Variants in CPQ observed in about 807,000 individuals in gnomAD.
The protein encoded by CPQ is Ser-Met dipeptidase.
In CPQ, 37 loss-of-function variants were observed where a neutral mutation model predicts 45.7. The ratio of observed to expected loss-of-function variants is 0.81; its 90% CI spans 0.62 to 1.07. The LOEUF is 1.07. Ranked by LOEUF, CPQ falls within the 50% of genes least tolerant of loss-of-function variation. The pLI is 0.00. For missense variants in CPQ, 537 were observed against 572.9 expected, an observed-to-expected ratio of 0.94 and a Z score of 0.64; for synonymous variants, 186 against 205.8, an observed-to-expected ratio of 0.90 and a Z score of 0.82.
At chr8:96,903,332 G>A (rs1812536616) in intron 4 of CPQ, among the ~76,000 whole-genome samples, 1 of 152,226 alleles carries the variant, frequency 6.6e-6, no homozygotes, top group South Asian at 2.1e-4. Context: ...GCACTTCACT[G>A]TTCAGAGACA....
At chr8:96,915,747 C>T (rs1257860639) in intron 4 of CPQ, among the ~76,000 whole-genome samples, 4 of 152,112 alleles carry the variant, frequency 2.6e-5, no homozygotes, top group Admixed American at 2.0e-4. Context: ...CTGCTTGCCT[C>T]AACCTTCCCT....
chr8:97,043,179 G>T (rs559881010), intron 6 of CPQ, among the ~76,000 whole-genome samples: 39 of 152,272 alleles, frequency 2.6e-4, no homozygotes, highest in African/African-American at 8.9e-4. Flanking sequence ...CCTGTATTGG[G>T]TGCATATATA....
At chr8:97,034,606 A>T (rs1489858304) in intron 6 of CPQ, among the ~76,000 whole-genome samples, 1 of 152,204 alleles carries the variant, frequency 6.6e-6, no homozygotes, top group African/African-American at 2.4e-5. Flanking sequence ...ACACAGCAAA[A>T]TAAATTTGGA....
At chr8:97,044,391 T>A (rs1810194529) in intron 6 of CPQ, among the ~76,000 whole-genome samples, 1 of 152,168 alleles carries the variant, frequency 6.6e-6, no homozygotes, top group Admixed American at 6.5e-5. Context: ...TCGTCTAAAT[T>A]TTTTTCAAAG....
rs149629944 is a variant in CPQ at position 96,721,247 on chromosome 8, G to A, written c.-34-63617G>A. 2.3e-3 allele frequency among the ~76,000 whole-genome samples: 350 copies of A among 151,916 alleles called. 3 individuals are homozygous for A. The Middle Eastern group carries it at 0.034, about 15-fold the overall frequency. ...GCCTTCTTATCTCAGTAAGACTGCT[G>A]TCCTCTGCTTGGACTCTAGCTCACT... On this transcript the variant is annotated intron_variant, in intron 1 of 7. Transcript: ENST00000220763.
At chr8:96,863,259 G>A (rs185117207) in intron 3 of CPQ, among the ~76,000 whole-genome samples, 58 of 152,108 alleles carry the variant, frequency 3.8e-4, no homozygotes, top group Admixed American at 8.5e-4. Flanking sequence ...TTCAATCCAG[G>A]TGGAGATGTC....
At chr8:96,765,646 A>G (rs1810458447) in intron 1 of CPQ, among the ~76,000 whole-genome samples, 1 of 152,210 alleles carries the variant, frequency 6.6e-6, no homozygotes, top group Non-Finnish European at 1.5e-5. Flanking sequence ...ACATAGTAGT[A>G]TTATAATAGC....
At chr8:96,864,161 A>C (rs1811965914) in intron 3 of CPQ, among the ~76,000 whole-genome samples, 1 of 152,010 alleles carries the variant, frequency 6.6e-6, no homozygotes, top group Non-Finnish European at 1.5e-5. Context: ...AGAGGTGGAC[A>C]CTATTCCTCT....
At chr8:96,977,563 C>G (rs1197043034) in intron 5 of CPQ, among the ~76,000 whole-genome samples, 2 of 152,082 alleles carry the variant, frequency 1.3e-5, no homozygotes, top group African/African-American at 4.8e-5. Flanking sequence ...GCATGATTTG[C>G]AATTGCAAAA....
intron 3 of CPQ, among the ~76,000 whole-genome samples, chr8:96,855,320 C>T (rs1811831699): frequency 6.6e-6 from 1 of 152,150 alleles, no homozygotes; most frequent in Non-Finnish European, 1.5e-5. Flanking sequence ...AAGATACCTT[C>T]CTGCATCTAG....
intron 3 of CPQ, among the ~76,000 whole-genome samples, chr8:96,850,922 G>A (rs1811763090): frequency 6.6e-6 from 1 of 152,082 alleles, no homozygotes; most frequent in African/African-American, 2.4e-5. Flanking sequence ...TCTTTAATTG[G>A]ATTTATTCCC....
At chr8:96,878,261 C>T (rs186797071) in intron 3 of CPQ, among the ~76,000 whole-genome samples, 106 of 152,244 alleles carry the variant, frequency 7.0e-4, no homozygotes, top group East Asian at 1.9e-3. Flanking sequence ...CCACCATGCC[C>T]GGCTTGCAGT....
intron 4 of CPQ, among the ~76,000 whole-genome samples, chr8:96,939,346 CT>C (rs1487612216): frequency 6.6e-6 from 1 of 152,162 alleles, no homozygotes; most frequent in African/African-American, 2.4e-5. Context: ...TGCTCACTTC[CT>C]GTTGTGCGGC....
chr8:96,868,233 A>G (rs963644415), intron 3 of CPQ, among the ~76,000 whole-genome samples: 1 of 152,020 alleles, frequency 6.6e-6, no homozygotes, highest in African/African-American at 2.4e-5. Flanking sequence ...TGTTTTAGTG[A>G]GTGAAATCTT....
At chr8:96,970,161 T>C (rs1380492831) in intron 5 of CPQ, among the ~76,000 whole-genome samples, 1 of 151,972 alleles carries the variant, frequency 6.6e-6, no homozygotes, top group Non-Finnish European at 1.5e-5. Flanking sequence ...TAATTCAGAG[T>C]AACAGAGAAG....
At chr8:97,115,941 A>T (rs188303971) in intron 7 of CPQ, among the ~76,000 whole-genome samples, 1 of 152,206 alleles carries the variant, frequency 6.6e-6, no homozygotes, top group African/African-American at 2.4e-5. Flanking sequence ...GTTGCAAAAG[A>T]GTATGAAAAG....
At chr8:96,951,316 G>T (rs550554231) in intron 4 of CPQ, among the ~76,000 whole-genome samples, 11 of 152,142 alleles carry the variant, frequency 7.2e-5, no homozygotes, top group Admixed American at 2.0e-4. Flanking sequence ...TTTCTCTAAG[G>T]TCCCGTTCTG....
chr8:96,989,447 GGAGGGGACAGGAGCAGAGC>G, intron 5 of CPQ, among the ~76,000 whole-genome samples: 1 of 132,776 alleles, frequency 7.5e-6, no homozygotes, highest in African/African-American at 2.8e-5. Context: ...GGAGGGGAGG[GGAGGGGACAGGAGCAGAGC>G]GGAGGGGAGG....
chr8:96,774,701 T>A (rs1586395289), intron 1 of CPQ, among the ~76,000 whole-genome samples: 3 of 152,242 alleles, frequency 2.0e-5, no homozygotes, highest in Middle Eastern at 3.4e-3. Flanking sequence ...GAGAGCAAGT[T>A]TGGAAAGGAA....
Sources: allele counts gnomAD v4.1 joint callset (sites outside exome capture counted in the v4.1 genomes callset), GRCh38; gene constraint gnomAD v4.1.1; transcripts MANE v1.5; gene names NCBI Gene and HGNC (gene_info 2026-07-23, HGNC 2026-07-21).